The following SF3B1 variants were observed in gnomAD, a reference collection of about 807,000 sequenced individuals.
SF3B1 encodes splicing factor 3b subunit 1, also known as pre-mRNA processing 10.
A neutral mutation model predicts 153.8 loss-of-function variants in SF3B1; 12 were observed. The observed-to-expected ratio is 0.08, with a 90% CI of 0.05 to 0.13. The LOEUF is 0.13. Among genes scored for constraint, SF3B1 ranks in the 10% least tolerant of loss-of-function variants. The probability of loss-of-function intolerance (pLI) is 1.00; values close to 1 mark genes in which losing one functional copy is unlikely to be tolerated. For synonymous variants in SF3B1, 498 were observed against 525.2 expected (o/e 0.95, Z 0.71); for missense variants, 513 against 1,606.1 (o/e 0.32, Z 11.63).
Position 197,419,038 on chromosome 2 carries a change from G to A in SF3B1, c.416-450C>T, listed in dbSNP as rs2085198794. 5.8e-6 allele frequency: 6 copies of A among 1,042,352 alleles called. No individual in the cohort carries two copies. The South Asian group carries it at 7.0e-5, about 12-fold the overall frequency. The allele number at this position is 1,042,352 out of a possible 1,614,324, so 64.6% of individuals were successfully genotyped here. ...ACCTGTTGCAAGCTGTTAAAATCCT[G>A]ACTACAAATAACTATGACTAGATAA... On this transcript the variant is annotated intron_variant, in intron 4 of 24. Coordinates refer to ENST00000335508, the MANE Select transcript of SF3B1 (RefSeq NM_012433.4).
chr2:197,404,056 G>A (rs2084962695), intron 11 of SF3B1, among the ~76,000 whole-genome samples: 1 of 152,150 alleles, frequency 6.6e-6, no homozygotes, highest in East Asian at 1.9e-4. Context: ...CACATATAGT[G>A]TTAACATAAT....
At chr2:197,413,870 G>A (rs1023367115) in intron 6 of SF3B1, among the ~76,000 whole-genome samples, 5 of 151,758 alleles carry the variant, frequency 3.3e-5, no homozygotes, top group East Asian at 1.9e-4. Context: ...GCAGTGGCAC[G>A]ATCTCCTCTC....
intron 9 of SF3B1, among the ~76,000 whole-genome samples, chr2:197,406,126 AAAC>A (rs1171079841): frequency 6.6e-6 from 1 of 151,302 alleles, no homozygotes; most frequent in African/African-American, 2.4e-5. Flanking sequence ...CAAAAAAAAA[AAAC>A]AACTTCTGGA....
intron 7 of SF3B1, among the ~76,000 whole-genome samples, chr2:197,408,999 C>G (rs1409741648): frequency 6.6e-6 from 1 of 152,186 alleles, no homozygotes; most frequent in Admixed American, 6.5e-5. Context: ...AAGTCAGGCA[C>G]AGTGGTTCAT....
chr2:197,405,596 A>G, intron 9 of SF3B1, 124 bp from the exon 10 acceptor site: 1 of 665,064 alleles, frequency 1.5e-6, no homozygotes. Flanking sequence ...TGGAGACAAC[A>G]TCTATCTTGC....
rs1025347894 is a variant in SF3B1, at chr2:197,392,064, A to G, written c.*239T>C. 19 of 305,206 alleles carry G rather than the reference A, an allele frequency of 6.2e-5. No homozygotes were observed. Among genetic ancestry groups the G allele is most frequent in the Non-Finnish European group, 9.0e-5 (15 of 166,678 alleles). The allele number at this position is 305,206 out of a possible 1,614,324, so 18.9% of individuals were successfully genotyped here. On this transcript the variant is annotated 3_prime_UTR_variant, in exon 25 of 25. Transcript: ENST00000335508. The stretch of plus-strand genomic sequence containing the variant: ...TCTAAATCTTCATAAAGATGAATTA[A>G]AAATGAAATCCCTCCAGTATAGTGT...
intron 1 of SF3B1, among the ~76,000 whole-genome samples, chr2:197,430,753 C>T (rs1035417299): frequency 3.9e-5 from 6 of 152,142 alleles, no homozygotes; most frequent in African/African-American, 1.4e-4. Flanking sequence ...CGTGCCCAGC[C>T]TACCCTAGTG....
At chr2:197,412,293 G>A (rs2085080526) in intron 6 of SF3B1, among the ~76,000 whole-genome samples, 1 of 151,874 alleles carries the variant, frequency 6.6e-6, no homozygotes, top group Admixed American at 6.6e-5. Context: ...CTAGGGTACA[G>A]TTGTATTAAA....
intron 3 of SF3B1, 81 bp downstream of exon 3, chr2:197,420,948 A>G: frequency 2.3e-6 from 2 of 856,174 alleles, no homozygotes; most frequent in Non-Finnish European, 3.8e-6. Flanking sequence ...AAAGCATCCT[A>G]AAATTTATGG....
rs1275792830 is a variant in SF3B1 at position 197,410,088 on chromosome 2, C to T, written c.667-81G>A. 33 of 994,150 alleles carry T rather than the reference C, an allele frequency of 3.3e-5. No individual in the cohort carries two copies. In the South Asian group the frequency reaches 3.8e-4, roughly 12 times the overall value. The allele number at this position is 994,150 out of a possible 1,614,324, so 61.6% of individuals were successfully genotyped here. A position where few individuals can be genotyped will look rare whatever the true frequency, so the allele number is the denominator to read the frequency against. ...TTTCCATAAAATAAAAAACTTTAAA[C>T]GAAAAATGTTTTAGTTCTATGCACT... On this transcript the variant is annotated intron_variant, in intron 6 of 24. Coordinates refer to ENST00000335508, the MANE Select transcript of SF3B1 (RefSeq NM_012433.4).
intron 5 of SF3B1, among the ~76,000 whole-genome samples, chr2:197,418,249 AAAAAAAAAAAAAAAAT>A (rs908711262): frequency 2.8e-5 from 4 of 144,020 alleles, no homozygotes; most frequent in South Asian, 2.2e-4. Flanking sequence ...AAAAAAAAAA[AAAAAAAAAAAAAAAAT>A]CCCTTGTGAG....
intron 2 of SF3B1, 138 bp downstream of exon 2, chr2:197,423,670 A>G (rs1441896087): frequency 2.8e-6 from 2 of 724,648 alleles, no homozygotes; most frequent in Non-Finnish European, 4.5e-6. Context: ...CTTAGAGAGG[A>G]TACCTCCAGT....
chr2:197,425,845 C>T (rs1465449439), intron 1 of SF3B1, among the ~76,000 whole-genome samples: 1 of 151,814 alleles, frequency 6.6e-6, no homozygotes, highest in Admixed American at 6.6e-5. Flanking sequence ...ACAAAAAATA[C>T]TAAAATTAGC....
intron 8 of SF3B1, 99 bp from the exon 9 acceptor site, chr2:197,408,218 T>G: frequency 1.5e-6 from 2 of 1,309,136 alleles, no homozygotes; most frequent in Non-Finnish European, 2.1e-6. Context: ...TATTATTTGC[T>G]TTTATATTAT....
chr2:197,410,081 C>T (rs2085045541), intron 6 of SF3B1, 74 bp from the exon 7 acceptor site: 1 of 1,064,626 alleles, frequency 9.4e-7, no homozygotes, highest in Non-Finnish European at 1.4e-6. Context: ...AAATAAAAAA[C>T]TTTAAACGAA....
intron 22 of SF3B1, 21 bp from the exon 23 acceptor site, chr2:197,396,349 A>G: frequency 6.3e-7 from 1 of 1,595,372 alleles, no homozygotes; most frequent in Non-Finnish European, 8.6e-7. Context: ...CAAATGGGTC[A>G]ACAAGCTGTT....
intron 1 of SF3B1, among the ~76,000 whole-genome samples, chr2:197,428,558 CA>C (rs1409155078): frequency 6.6e-6 from 1 of 152,070 alleles, no homozygotes; most frequent in African/African-American, 2.4e-5. Flanking sequence ...TAAAAATATG[CA>C]AATAGATCAT....
chr2:197,393,381 T>G, intron 23 of SF3B1, 193 bp from the exon 24 acceptor site: 1 of 572,434 alleles, frequency 1.7e-6, no homozygotes, highest in South Asian at 2.4e-5. Flanking sequence ...TAGAATAGCT[T>G]CCACTTGAGG....
rs559292515 is a variant in SF3B1, at chr2:197,426,714, C to T, written c.29-2740G>A. Among the ~76,000 whole-genome samples the T allele has an allele frequency of 7.8e-4, 118 of 152,240 alleles. 1 individual carries two copies. Among genetic ancestry groups the T allele is most frequent in the African/African-American group, 2.7e-3 (112 of 41,526 alleles). On this transcript the variant is annotated intron_variant, in intron 1 of 24. Transcript: ENST00000335508. ...ACTAACTCTGAAACTCCAACTCAGG[C>T]TGTGAAGCCCAGGATTCTGCATCAT...
Sources: gnomAD v4.1 joint callset for allele counts (sites outside exome capture counted in the v4.1 genomes callset) on GRCh38, gnomAD v4.1.1 for gene constraint, MANE v1.5 for transcripts, NCBI Gene and HGNC (gene_info 2026-07-23, HGNC 2026-07-21) for gene names.